KATNB1: variants seen among roughly 807,000 people sequenced by gnomAD.
The protein encoded by KATNB1 is katanin p80 WD40 repeat-containing subunit B1.
KATNB1 carries 38 observed loss-of-function variants against 82.3 expected under a neutral mutation model. The observed-to-expected ratio is 0.46, with a 90% CI of 0.36 to 0.61. The LOEUF (loss-of-function observed/expected upper bound fraction) is 0.61, where lower values mean the gene tolerates loss of function less well. Among genes scored for constraint, KATNB1 ranks in the 20% least tolerant of loss-of-function variants. KATNB1 has a pLI of 0.00. For synonymous variants in KATNB1, 361 were observed against 368.7 expected, an observed-to-expected ratio of 0.98 and a Z score of 0.24; for missense variants, 749 against 915.7, an observed-to-expected ratio of 0.82 and a Z score of 2.35.
chr16:57,754,521 T>C (rs560569975), intron 13 of KATNB1, among the ~76,000 whole-genome samples: 22 of 152,232 alleles, frequency 1.4e-4, no homozygotes, highest in Admixed American at 1.3e-3. Context: ...TGCACTGTGG[T>C]TGGAGAACGG....
At chr16:57,747,852 G>A (rs7198505) in intron 4 of KATNB1, among the ~76,000 whole-genome samples, 11,854 of 152,298 alleles carry the variant, frequency 0.078, 824 homozygotes, top group East Asian at 0.17. Context: ...TTTGCTCACA[G>A]GGGAAATGTG....
intron 4 of KATNB1, among the ~76,000 whole-genome samples, chr16:57,746,485 G>A (rs371769006): frequency 8.5e-5 from 13 of 152,204 alleles, no homozygotes; most frequent in African/African-American, 1.4e-4. Flanking sequence ...GGTTTCATGC[G>A]GTTGTGGTCT....
rs984928057 is a variant in KATNB1 at position 57,757,181 on chromosome 16, C to A, written c.*235C>A. 1 of 399,100 alleles carries A rather than the reference C, an allele frequency of 2.5e-6. No homozygotes were observed. The highest frequency in any genetic ancestry group is 4.4e-6 in the Non-Finnish European group (1 of 228,042). The allele number at this position is 399,100 out of a possible 1,614,324, so 24.7% of individuals were successfully genotyped here. A position where few individuals can be genotyped will look rare whatever the true frequency, so the allele number is the denominator to read the frequency against. ...GCCCAACTGTTGCTTCTTGGGGCAG[C>A]GAACTGAGCCCTGGGGCTGCTGCTG... On this transcript the variant is annotated 3_prime_UTR_variant, in exon 20 of 20. Transcript: ENST00000379661.
At chr16:57,752,754 A>G in intron 9 of KATNB1, 24 bp from the exon 10 acceptor site, 3 of 1,604,986 alleles carry the variant, frequency 1.9e-6, no homozygotes, top group Non-Finnish European at 2.5e-6. Flanking sequence ...CACAGGACCC[A>G]CGGCCATCTC....
At chr16:57,747,770 G>A (rs782243526) in intron 4 of KATNB1, among the ~76,000 whole-genome samples, 43 of 152,356 alleles carry the variant, frequency 2.8e-4, no homozygotes, top group South Asian at 1.5e-3. Flanking sequence ...AGTATTCACC[G>A]AAGAACAAGA....
rs2049243862 is a variant in KATNB1 at position 57,753,198 on chromosome 16, T to A, written c.977T>A (p.Leu326Gln). 1 of 1,609,404 alleles carries A rather than the reference T, an allele frequency of 6.2e-7. No individual in the cohort carries two copies. Among genetic ancestry groups the A allele is most frequent in the East Asian group, 2.2e-5 (1 of 44,824 alleles). Residue 326 changes from leucine to glutamine, a missense_variant, in exon 11 of 20, where the codon CTG becomes CAG. Around this residue, in one of 3 missense-constraint regions of KATNB1, gnomAD observed 407 missense variants for 434.7 expected, o/e 0.94. Transcript: ENST00000379661. ...VQDHRPLAQP[L>Q]PNPSAPLRRI... ...GACCACCGGCCCCTGGCACAGCCAC[T>A]GCCCAACCCCAGCGCCCCCCTCCGG... is the stretch of plus-strand genomic sequence containing the variant.
chr16:57,746,830 C>T (rs1291952339), intron 4 of KATNB1, among the ~76,000 whole-genome samples: 1 of 152,214 alleles, frequency 6.6e-6, no homozygotes, highest in East Asian at 1.9e-4. Context: ...TTTTAGAACA[C>T]CATGCAGGCC....
intron 5 of KATNB1, 23 bp downstream of exon 5, chr16:57,750,950 G>C: frequency 1.1e-5 from 18 of 1,589,408 alleles, no homozygotes; most frequent in Non-Finnish European, 1.6e-5. Flanking sequence ...TCCGTGCCCC[G>C]TGTCTCCTGC....
At position 57,755,891 on chromosome 16, in the gene KATNB1, C is replaced by G. The variant is rs782142650; in HGVS notation, c.1617C>G (p.Asp539Glu). ...TCAACGACCTGTCGGTGGTGGTGGA[C>G]CTCCTGAACATCGTCAACCAGAAAG... is the stretch of plus-strand genomic sequence containing the variant. ...VAINDLSVVV[D>E]LLNIVNQKAS... Residue 539 changes from aspartate (D) to glutamate (E), a missense_variant, in exon 17 of 20, where the codon GAC becomes GAG. Physicochemically the swap from Asp to Glu is conservative, Grantham distance 45 (BLOSUM62 2). This residue lies in a region of KATNB1 where 407 missense variants were observed against 434.7 expected (regional missense o/e 0.94). Coordinates refer to ENST00000379661, the MANE Select transcript of KATNB1 (RefSeq NM_005886.3). 1.9e-6 allele frequency: 3 copies of G among 1,597,160 alleles called. No homozygotes were observed. The highest frequency in any genetic ancestry group is 2.6e-6 in the Non-Finnish European group (3 of 1,167,054).
Position 57,752,606 on chromosome 16 carries a change from G to C in KATNB1, c.704+5G>C. The C allele has an allele frequency of 6.4e-7, 1 of 1,560,668 alleles. No homozygotes were observed. The highest frequency in any genetic ancestry group is 8.7e-7 in the Non-Finnish European group (1 of 1,152,294). ...AGGGGAGCCTGGGCCCGTCAGGTAC[G>C]CAGGCTGTGGGGTGGGCGGCCCAGC... On this transcript the variant is annotated splice_donor_5th_base_variant and intron_variant, in intron 9 of 19. Coordinates refer to ENST00000379661, the MANE Select transcript of KATNB1 (RefSeq NM_005886.3).
intron 2 of KATNB1, 24 bp from the exon 3 acceptor site, chr16:57,741,663 C>T (rs1555579512): frequency 6.2e-7 from 1 of 1,602,748 alleles, no homozygotes; most frequent in Non-Finnish European, 8.5e-7. Context: ...CCCTGATGGC[C>T]TCTCCCTCTC....
Position 57,756,400 on chromosome 16 carries a change from G to A in KATNB1, c.1763G>A (p.Arg588Gln), listed in dbSNP as rs782377425. ...GCTSLKLILQ[R>Q]FLPLITDMLA... ...ACCTCCCTGAAGCTGATCCTGCAGC[G>A]GTTTCTGCCCCTCATCACAGACATG... Residue 588 changes from arginine (R) to glutamine (Q), a missense_variant, in exon 19 of 20, where the codon CGG becomes CAG. This residue lies in a region of KATNB1 where 95 missense variants were observed against 131.6 expected (regional missense o/e 0.72). Coordinates refer to ENST00000379661, the MANE Select transcript of KATNB1 (RefSeq NM_005886.3). 2.5e-5 allele frequency: 41 copies of A among 1,613,876 alleles called. No homozygotes were observed. Among genetic ancestry groups the A allele is most frequent in the South Asian group, 1.4e-4 (13 of 91,082 alleles).
intron 4 of KATNB1, among the ~76,000 whole-genome samples, chr16:57,748,468 TAA>T (rs66719702): frequency 0.017 from 2,346 of 134,448 alleles, 85 homozygotes; most frequent in African/African-American, 0.059. Context: ...TCTATTTTTT[TAA>T]AAAAAAAAAA....
At chr16:57,736,786 T>C (rs914855885) in intron 1 of KATNB1, 192 bp from the exon 2 acceptor site, 24 of 347,860 alleles carry the variant, frequency 6.9e-5, no homozygotes, top group Admixed American at 2.3e-4. Flanking sequence ...GGAGTTTCTT[T>C]TTCCTTACGT....
chr16:57,744,247 C>T (rs2049165634), intron 3 of KATNB1, 147 bp from the exon 4 acceptor site: 6 of 664,996 alleles, frequency 9.0e-6, no homozygotes, highest in Non-Finnish European at 1.3e-5. Flanking sequence ...AAAGGGCCTG[C>T]AGGAGGGCTA....
rs191140511 is a variant in KATNB1 at position 57,742,806 on chromosome 16, T to A, written c.171+989T>A. Among the ~76,000 whole-genome samples the A allele has an allele frequency of 3.3e-5, 5 of 152,316 alleles. No homozygotes were observed. In the East Asian group the frequency reaches 9.6e-4, roughly 29 times the overall value. ...TCAGCCACCTAGATCCTTGAGCAGATCCGTGATCACTGCATTCAATCCAAG... is the reference window on the plus strand; with the variant it reads ...TCAGCCACCTAGATCCTTGAGCAGAACCGTGATCACTGCATTCAATCCAAG... On this transcript the variant is annotated intron_variant, in intron 3 of 19. Transcript: ENST00000379661.
In KATNB1 at chr16:57,756,620, G is replaced by A. The variant is rs1209222144; in HGVS notation, c.1835+148G>A. 3 of 1,172,252 alleles carry A rather than the reference G, an allele frequency of 2.6e-6. No individual in the cohort carries two copies. In the East Asian group the frequency reaches 7.4e-5, roughly 29 times the overall value. 72.6% of individuals were successfully genotyped at this position (1,172,252 alleles called of 1,614,324 possible). ...TGGGGCCATGGCTCAGGGTGTGGGT[G>A]GGCTTAGCCAGAGCTGGGTTCCTCC... On this transcript the variant is annotated intron_variant, in intron 19 of 19. Coordinates refer to ENST00000379661, the MANE Select transcript of KATNB1 (RefSeq NM_005886.3).
rs1274007869 is a variant in KATNB1 at position 57,750,867 on chromosome 16, C to T, written c.330C>T (p.Ser110=). The change falls in exon 5 of 20, where the codon AGC becomes AGT. Residue 110 remains serine (S), a synonymous_variant. Coordinates refer to ENST00000379661, the MANE Select transcript of KATNB1 (RefSeq NM_005886.3). The part of the protein sequence containing the change: ...TLMGHKANIC[S]LDFHPYGEFV... ...TGGGACACAAAGCCAACATCTGCAG[C>T]CTGGATTTCCACCCGTACGGCGAGT... is the stretch of plus-strand genomic sequence containing the variant. 2 of 1,614,072 alleles carry T rather than the reference C, an allele frequency of 1.2e-6. No individual in the cohort carries two copies. The highest frequency in any genetic ancestry group is 2.2e-5 in the East Asian group (1 of 44,882).
intron 2 of KATNB1, 128 bp from the exon 3 acceptor site, chr16:57,741,559 G>T: frequency 1.0e-6 from 1 of 953,264 alleles, no homozygotes; most frequent in Non-Finnish European, 1.6e-6. Context: ...ACCAAAGGGG[G>T]AGCTGAAGGA....
Sources: gnomAD v4.1 joint callset for allele counts (sites outside exome capture counted in the v4.1 genomes callset) on GRCh38, gnomAD v4.1.1 for gene constraint, gnomAD v4.1.1 regional missense constraint, MANE v1.5 for transcripts, NCBI Gene and HGNC (gene_info 2026-07-23, HGNC 2026-07-21) for gene names.